Variants in TSNARE1 observed in about 807,000 individuals in gnomAD.
The protein encoded by TSNARE1 is t-SNARE domain containing 1, also known as t-SNARE domain-containing protein 1.
A neutral mutation model predicts 62.0 loss-of-function variants in TSNARE1; 49 were observed. The observed-to-expected ratio is 0.79, with a 90% CI of 0.63 to 1.00. TSNARE1 has a LOEUF of 1.00. TSNARE1 is among the 50% of genes least tolerant of loss of function. TSNARE1 has a pLI of 0.00. For synonymous variants in TSNARE1, 328 were observed against 294.4 expected (o/e 1.11, Z -1.17); for missense variants, 755 against 700.1 (o/e 1.08, Z -0.88).
intron 1 of TSNARE1, among the ~76,000 whole-genome samples, chr8:142,392,924 TCC>T (rs1837639776): frequency 7.6e-6 from 1 of 132,370 alleles, no homozygotes; most frequent in Admixed American, 8.2e-5. Flanking sequence ...TGAGCGAAAC[TCC>T]GTCTCAAAAA....
At chr8:142,398,436 T>C (rs190894466) in intron 1 of TSNARE1, among the ~76,000 whole-genome samples, 1 of 141,782 alleles carries the variant, frequency 7.1e-6, no homozygotes, top group East Asian at 2.1e-4. Flanking sequence ...TCCCCAGCCC[T>C]GCCAAAGCAC....
In TSNARE1 at chr8:142,319,665, C is replaced by G. The variant is rs1326046115; in HGVS notation, c.894-1031G>C. Reference sequence around the variant, plus strand: ...CACCCAGGACCTGCACCAAGCAGGCCTTGGGGCCGACACGTGGGAGCGAGC... The same window carrying G: ...CACCCAGGACCTGCACCAAGCAGGCGTTGGGGCCGACACGTGGGAGCGAGC... On this transcript the variant is annotated intron_variant, in intron 6 of 13. Coordinates refer to ENST00000524325, the MANE Select transcript of TSNARE1 (RefSeq NM_145003.5). The surrounding 1 kb of genome is among the most constrained non-coding windows in gnomAD (Gnocchi z 4.9). Among the ~76,000 whole-genome samples, 1 of 152,166 alleles carries G rather than the reference C, an allele frequency of 6.6e-6. No homozygotes were observed. The highest frequency in any genetic ancestry group is 1.5e-5 in the Non-Finnish European group (1 of 68,032).
At chr8:142,388,515 AAAG>A (rs1372247835) in intron 1 of TSNARE1, among the ~76,000 whole-genome samples, 3 of 149,628 alleles carry the variant, frequency 2.0e-5, no homozygotes, top group Non-Finnish European at 4.4e-5. Context: ...AAAAAAAAAA[AAAG>A]AAGAAATCAG....
intron 12 of TSNARE1, chr8:142,273,857 G>A: frequency 1.0e-6 from 1 of 985,344 alleles, no homozygotes; most frequent in Non-Finnish European, 1.2e-6. Context: ...GGGCACAGCT[G>A]TGATATCCCA....
chr8:142,302,384 G>A lies in TSNARE1; in HGVS notation c.1132-1740C>T, dbSNP rs926054889. The stretch of plus-strand genomic sequence containing the variant: ...CACGTCTGGACAGGAGGATCTGACA[G>A]AGGTGGGGGCTGTGCCGGTCCCGAT... On this transcript the variant is annotated intron_variant, in intron 9 of 13. Transcript: ENST00000524325. 3.3e-5 allele frequency among the ~76,000 whole-genome samples: 5 copies of A among 152,334 alleles called. No homozygotes were observed. The East Asian group carries it at 9.7e-4, about 29-fold the overall frequency.
At chr8:142,393,878 A>C (rs1356536217) in intron 1 of TSNARE1, among the ~76,000 whole-genome samples, 2 of 151,904 alleles carry the variant, frequency 1.3e-5, no homozygotes, top group Non-Finnish European at 2.9e-5. Context: ...TCCCTCGGGG[A>C]GTGTGGGGCA....
intron 6 of TSNARE1, chr8:142,326,164 A>G: frequency 6.1e-6 from 1 of 163,750 alleles, no homozygotes; most frequent in Non-Finnish European, 1.3e-5. Flanking sequence ...AGCTAAGGGG[A>G]GGGCCCCGGA....
At chr8:142,277,996 A>C (rs963517958) in intron 11 of TSNARE1, 37 of 985,256 alleles carry the variant, frequency 3.8e-5, no homozygotes, top group Non-Finnish European at 4.0e-5. Context: ...TGGCTGCAAG[A>C]ATCTGCCCTT....
chr8:142,300,763 G>GGACGATCCGGGTCTGAGGC, intron 9 of TSNARE1, 119 bp from the exon 10 acceptor site: 1 of 1,212,112 alleles, frequency 8.3e-7, no homozygotes, highest in Non-Finnish European at 1.1e-6. Flanking sequence ...CTCTCTGAGG[G>GGACGATCCGGGTCTGAGGC]GACGATCTGG....
chr8:142,237,652 A>G (rs530168139), intron 12 of TSNARE1, among the ~76,000 whole-genome samples: 5 of 152,106 alleles, frequency 3.3e-5, no homozygotes, highest in Admixed American at 3.3e-4. Context: ...GCACAGGCAT[A>G]CTCTCCTTCC....
At chr8:142,327,659 ACATGGAT>A in intron 6 of TSNARE1, among the ~76,000 whole-genome samples, 1 of 152,338 alleles carries the variant, frequency 6.6e-6, no homozygotes, top group South Asian at 2.1e-4. Context: ...TGAACCGCAC[ACATGGAT>A]CATGGTCCTG....
intron 10 of TSNARE1, among the ~76,000 whole-genome samples, chr8:142,294,991 G>A (rs1350243305): frequency 2.6e-5 from 4 of 152,180 alleles, no homozygotes. Flanking sequence ...GGAGTCCTGG[G>A]AGGCTCGGGG....
intron 1 of TSNARE1, among the ~76,000 whole-genome samples, chr8:142,389,393 G>A (rs1359635644): frequency 6.6e-6 from 1 of 152,078 alleles, no homozygotes; most frequent in Non-Finnish European, 1.5e-5. Context: ...GAAATAAATG[G>A]GGTTACAGGA....
intron 11 of TSNARE1, among the ~76,000 whole-genome samples, chr8:142,281,378 G>A (rs954368889): frequency 6.6e-6 from 1 of 152,036 alleles, no homozygotes; most frequent in Non-Finnish European, 1.5e-5. Flanking sequence ...CCTCCAGTGG[G>A]AGCGGGAAAG....
chr8:142,275,848 A>AGCGTCATCTCCG (rs138539937), intron 11 of TSNARE1: 1 of 919,338 alleles, frequency 1.1e-6, no homozygotes. Flanking sequence ...TGCCAGGCAC[A>AGCGTCATCTCCG]GCCTGGCACG....
At chr8:142,273,332 T>G (rs903119410) in intron 12 of TSNARE1, 2 of 985,326 alleles carry the variant, frequency 2.0e-6, no homozygotes, top group African/African-American at 3.5e-5. Flanking sequence ...GCCTTCTGCG[T>G]GGTGTGGCCC....
At chr8:142,365,201 C>CAGGGAG (rs1222234346) in intron 1 of TSNARE1, among the ~76,000 whole-genome samples, 1 of 152,172 alleles carries the variant, frequency 6.6e-6, no homozygotes, top group Admixed American at 6.5e-5. Context: ...CCATGATCTC[C>CAGGGAG]CTGCCCAAAG....
chr8:142,369,151 A>T (rs1835758528), intron 1 of TSNARE1, among the ~76,000 whole-genome samples: 1 of 152,162 alleles, frequency 6.6e-6, no homozygotes, highest in Non-Finnish European at 1.5e-5. Flanking sequence ...GTGGGGAGAG[A>T]CCACCTCTGT....
At chr8:142,330,847 C>A in intron 6 of TSNARE1, 54 bp downstream of exon 6, 1 of 1,578,278 alleles carries the variant, frequency 6.3e-7, no homozygotes, top group Admixed American at 1.7e-5. Context: ...CCCGCCCCTG[C>A]CCCCCAATGT....
Sources: gnomAD v4.1 joint callset for allele counts (sites outside exome capture counted in the v4.1 genomes callset) on GRCh38, gnomAD v4.1.1 for gene constraint, Gnocchi (gnomAD v3.1) non-coding constraint, MANE v1.5 for transcripts, NCBI Gene and HGNC (gene_info 2026-07-23, HGNC 2026-07-21) for gene names.